Variants in DOCK11 observed in about 807,000 individuals in gnomAD.
The protein encoded by DOCK11 is dedicator of cytokinesis 11.
In DOCK11, 70 loss-of-function variants were observed where a neutral mutation model predicts 169.1. The ratio of observed to expected loss-of-function variants is 0.41; its 90% CI spans 0.34 to 0.51. The LOEUF (loss-of-function observed/expected upper bound fraction) is 0.51. Among genes scored for constraint, DOCK11 ranks in the 20% least tolerant of loss-of-function variants. The pLI is 0.10. For synonymous variants in DOCK11, 529 were observed against 541.3 expected (o/e 0.98, Z 0.32); for missense variants, 1,166 against 1,538.8 (o/e 0.76, Z 4.05).
intron 1 of DOCK11, 149 bp downstream of exon 1, chrX:118,496,222 GC>G (rs1196164884): frequency 2.9e-6 from 1 of 341,133 alleles, no homozygotes; most frequent in Non-Finnish European, 4.3e-6. Flanking sequence ...GCAGCCGCCG[GC>G]CGGGGTCCGA....
Position 118,513,906 on chromosome X carries a change from T to C in DOCK11, c.102+17833T>C, listed in dbSNP as rs549402674. 1.8e-3 allele frequency among the ~76,000 whole-genome samples: 202 copies of C among 111,474 alleles called. 2 individuals carry two copies. The Middle Eastern group carries it at 0.028, about 15-fold the overall frequency. On this transcript the variant is annotated intron_variant, in intron 1 of 52. Transcript: ENST00000276202. The stretch of plus-strand genomic sequence containing the variant: ...TCATTCCAGTTGTTACCAGGTGCAG[T>C]TGAGTAGGCCTACTCCACCTTCATG...
intron 40 of DOCK11, among the ~76,000 whole-genome samples, chrX:118,646,652 C>T (rs760879121): frequency 8.9e-6 from 1 of 111,748 alleles, no homozygotes; most frequent in Admixed American, 9.5e-5. Flanking sequence ...TAGTGATGAG[C>T]TACACTATAG....
chrX:118,572,265 G>A (rs1603076895), intron 10 of DOCK11, 58 bp from the exon 11 acceptor site: 2 of 1,031,436 alleles, frequency 1.9e-6, no homozygotes, highest in Non-Finnish European at 2.6e-6. Context: ...GTATATTGAT[G>A]TAAATCAATA....
chrX:118,669,205 C>T (rs1459675880), intron 45 of DOCK11, among the ~76,000 whole-genome samples: 1 of 111,192 alleles, frequency 9.0e-6, no homozygotes, highest in Admixed American at 9.6e-5. Context: ...TGAAATTTTG[C>T]ACCTTAGCAA....
intron 14 of DOCK11, among the ~76,000 whole-genome samples, chrX:118,583,380 TA>T (rs1433826843): frequency 9.0e-6 from 1 of 110,716 alleles, no homozygotes; most frequent in Non-Finnish European, 1.9e-5. Flanking sequence ...TATACCTGTG[TA>T]ACAAACCTGC....
At chrX:118,635,237 C>G (rs2015358175) in intron 35 of DOCK11, among the ~76,000 whole-genome samples, 1 of 111,912 alleles carries the variant, frequency 8.9e-6, no homozygotes, top group Non-Finnish European at 1.9e-5. Context: ...TTGAGAGGTT[C>G]TAGCTCAGTT....
chrX:118,664,699 T>A (rs1218765604), intron 45 of DOCK11, among the ~76,000 whole-genome samples: 1 of 110,520 alleles, frequency 9.0e-6, no homozygotes, highest in Non-Finnish European at 1.9e-5. Flanking sequence ...AGATTAGGGT[T>A]AGAAATACAC....
At chrX:118,558,300 A>T (rs2012789676) in intron 6 of DOCK11, among the ~76,000 whole-genome samples, 2 of 110,831 alleles carry the variant, frequency 1.8e-5, no homozygotes, top group Admixed American at 1.9e-4. Context: ...TGAGCTCTTG[A>T]TCCCTCAGTT....
chrX:118,673,488 G>T (rs973530305), intron 46 of DOCK11, among the ~76,000 whole-genome samples: 3 of 111,535 alleles, frequency 2.7e-5, no homozygotes, highest in African/African-American at 9.8e-5. Context: ...AAACCAAAAA[G>T]TAGAACACTG....
Position 118,516,018 on chromosome X carries a change from T to TATATATATATATATATATATATATAC in DOCK11, c.102+19946_102+19947insTATATATATATATATATATATATACA, listed in dbSNP as rs1269373292. 8.1e-3 allele frequency among the ~76,000 whole-genome samples: 659 copies of TATATATATATATATATATATATATAC among 81,412 alleles called. 32 individuals are homozygous for TATATATATATATATATATATATATAC. Among genetic ancestry groups the TATATATATATATATATATATATATAC allele is most frequent in the Non-Finnish European group, 0.014 (606 of 43,520 alleles). 70.7% of individuals were successfully genotyped at this position (81,412 alleles called of 115,157 possible). On this transcript the variant is annotated intron_variant, in intron 1 of 52. Coordinates refer to ENST00000276202, the MANE Select transcript of DOCK11 (RefSeq NM_144658.4). ...GGATTTGGGCAAATATATATATATA[T>TATATATATATATATATATATATATAC]ACATTCTTACACCAGAAAACTGTGC...
intron 10 of DOCK11, among the ~76,000 whole-genome samples, chrX:118,569,059 TTCTC>T (rs1386636065): frequency 1.6e-4 from 17 of 107,258 alleles, no homozygotes; most frequent in South Asian, 4.1e-4. Context: ...CTTTCTTTCT[TTCTC>T]TCTCTCTCTT....
chrX:118,664,802 T>C (rs1038434712), intron 45 of DOCK11, among the ~76,000 whole-genome samples: 3 of 110,859 alleles, frequency 2.7e-5, no homozygotes, highest in African/African-American at 9.9e-5. Context: ...GACTGAACCA[T>C]GGGGGAAAAG....
intron 1 of DOCK11, among the ~76,000 whole-genome samples, chrX:118,542,105 T>A (rs980277399): frequency 2.7e-5 from 3 of 111,671 alleles, no homozygotes; most frequent in Admixed American, 9.5e-5. Context: ...CTTTTTGTTT[T>A]ACTTAAAATT....
At chrX:118,673,244 A>G (rs897770113) in intron 46 of DOCK11, among the ~76,000 whole-genome samples, 1 of 111,973 alleles carries the variant, frequency 8.9e-6, no homozygotes, top group African/African-American at 3.2e-5. Context: ...AACTACTCCT[A>G]TTTCCTTGGA....
intron 30 of DOCK11, among the ~76,000 whole-genome samples, chrX:118,617,417 G>A (rs1410273470): frequency 9.2e-5 from 10 of 109,047 alleles, no homozygotes; most frequent in East Asian, 2.9e-4. Context: ...GCTTGAACCC[G>A]GGAGGCAGAG....
At chrX:118,683,810 C>T (rs759366964) in intron 52 of DOCK11, among the ~76,000 whole-genome samples, 2 of 112,068 alleles carry the variant, frequency 1.8e-5, no homozygotes, top group Non-Finnish European at 3.8e-5. Flanking sequence ...AATCTACTGT[C>T]GTATTTCCCA....
chrX:118,610,005 TC>T (rs916210840), intron 27 of DOCK11, among the ~76,000 whole-genome samples: 2 of 111,978 alleles, frequency 1.8e-5, no homozygotes, highest in African/African-American at 6.5e-5. Flanking sequence ...TGTCTGTAAC[TC>T]AGAAGCATGA....
At chrX:118,650,424 A>G (rs1374434063) in intron 41 of DOCK11, among the ~76,000 whole-genome samples, 1 of 111,778 alleles carries the variant, frequency 8.9e-6, no homozygotes, top group Non-Finnish European at 1.9e-5. Flanking sequence ...CCTTGGTCCT[A>G]TTTATATCTT....
intron 14 of DOCK11, among the ~76,000 whole-genome samples, chrX:118,581,805 TAAAAAAAAAAAAAA>T (rs35095116): frequency 6.8e-3 from 87 of 12,748 alleles, no homozygotes; most frequent in African/African-American, 0.026. Flanking sequence ...CTCCGTCTCC[TAAAAAAAAAAAAAA>T]AAAAAAAAAA....
Sources: gnomAD v4.1 joint callset for allele counts (sites outside exome capture counted in the v4.1 genomes callset) on GRCh38, gnomAD v4.1.1 for gene constraint, MANE v1.5 for transcripts, NCBI Gene and HGNC (gene_info 2026-07-23, HGNC 2026-07-21) for gene names.